CACHD1: variants seen among roughly 807,000 people sequenced by gnomAD.
CACHD1 encodes the protein cache domain containing 1, also known as VWFA and cache domain-containing protein 1.
In CACHD1, 71 loss-of-function variants were observed where a neutral mutation model predicts 138.7. The observed-to-expected ratio is 0.51, with a 90% CI of 0.42 to 0.62. The LOEUF is 0.62. Ranked by LOEUF, CACHD1 falls within the 20% of genes least tolerant of loss-of-function variation. CACHD1 has a pLI of 0.00. For synonymous variants in CACHD1, 578 were observed against 591.5 expected (o/e 0.98, Z 0.33); for missense variants, 1,389 against 1,625.3 (o/e 0.85, Z 2.50).
chr1:64,627,038 C>T (rs890742948), intron 4 of CACHD1, among the ~76,000 whole-genome samples: 8 of 151,856 alleles, frequency 5.3e-5, no homozygotes, highest in African/African-American at 1.7e-4. Context: ...GCCAAGCAGA[C>T]ATCAGAATAA....
chr1:64,637,245 G>A (rs1000019579), intron 7 of CACHD1, among the ~76,000 whole-genome samples: 1 of 152,204 alleles, frequency 6.6e-6, no homozygotes, highest in Admixed American at 6.5e-5. Flanking sequence ...AAACTCAGAT[G>A]TCCACAGTGG....
intron 15 of CACHD1, 23 bp from the exon 16 acceptor site, chr1:64,666,034 T>A (rs1264773025): frequency 7.6e-7 from 1 of 1,320,792 alleles, no homozygotes; most frequent in Admixed American, 2.1e-5. Flanking sequence ...TAAAATAACA[T>A]GACTTTCTTT....
At chr1:64,502,806 A>G (rs969787778) in intron 1 of CACHD1, among the ~76,000 whole-genome samples, 1 of 152,184 alleles carries the variant, frequency 6.6e-6, no homozygotes, top group South Asian at 2.1e-4. Flanking sequence ...ACCTGTAGTT[A>G]CATTTCCCAA....
At chr1:64,556,892 G>A (rs1051750623) in intron 2 of CACHD1, among the ~76,000 whole-genome samples, 5 of 152,180 alleles carry the variant, frequency 3.3e-5, no homozygotes, top group Non-Finnish European at 5.9e-5. Context: ...GGCAAGGCGG[G>A]TGGATCATGA....
chr1:64,597,383 C>T (rs1647162328), intron 3 of CACHD1, among the ~76,000 whole-genome samples: 1 of 152,090 alleles, frequency 6.6e-6, no homozygotes, highest in Non-Finnish European at 1.5e-5. Context: ...ATCAAGTGAA[C>T]ATCTTGCAAG....
chr1:64,560,044 A>G (rs1047228731), intron 2 of CACHD1, among the ~76,000 whole-genome samples: 1 of 152,196 alleles, frequency 6.6e-6, no homozygotes, highest in African/African-American at 2.4e-5. Flanking sequence ...AAGAAGAGCA[A>G]TAGAGCCAAG....
chr1:64,630,866 A>G (rs796865140), intron 5 of CACHD1, among the ~76,000 whole-genome samples: 1 of 152,232 alleles, frequency 6.6e-6, no homozygotes, highest in African/African-American at 2.4e-5. Flanking sequence ...GAAAGTTTTC[A>G]TGTATCTCCA....
intron 25 of CACHD1, 78 bp from the exon 26 acceptor site, chr1:64,681,927 C>A: frequency 1.7e-6 from 2 of 1,206,748 alleles, no homozygotes; most frequent in Non-Finnish European, 2.5e-6. Flanking sequence ...TGTAAATGAG[C>A]CCTCTCAGAG....
At chr1:64,502,210 C>A (rs965695345) in intron 1 of CACHD1, among the ~76,000 whole-genome samples, 10 of 152,206 alleles carry the variant, frequency 6.6e-5, no homozygotes, top group Admixed American at 6.5e-5. Flanking sequence ...CACAATGGAG[C>A]TGTGAACTTA....
intron 1 of CACHD1, among the ~76,000 whole-genome samples, chr1:64,480,970 A>G (rs972759842): frequency 6.6e-6 from 1 of 151,996 alleles, no homozygotes; most frequent in African/African-American, 2.4e-5. Flanking sequence ...AACAAACTAA[A>G]TGTCATTTAA....
At chr1:64,559,986 A>G (rs1646826779) in intron 2 of CACHD1, among the ~76,000 whole-genome samples, 1 of 152,196 alleles carries the variant, frequency 6.6e-6, no homozygotes. Context: ...ATTTGTTGGC[A>G]TAAAGGTGTT....
intron 1 of CACHD1, among the ~76,000 whole-genome samples, chr1:64,503,688 C>T (rs926960202): frequency 1.3e-5 from 2 of 152,190 alleles, no homozygotes; most frequent in Admixed American, 6.5e-5. Context: ...TGATCCCCCC[C>T]ATACATACAT....
At chr1:64,496,598 TCAC>T (rs1327791490) in intron 1 of CACHD1, among the ~76,000 whole-genome samples, 1 of 152,150 alleles carries the variant, frequency 6.6e-6, no homozygotes, top group African/African-American at 2.4e-5. Context: ...CTTACAAACT[TCAC>T]AGCCTTTGGG....
At chr1:64,671,068 A>G (rs1215486358) in intron 16 of CACHD1, among the ~76,000 whole-genome samples, 4 of 152,296 alleles carry the variant, frequency 2.6e-5, no homozygotes, top group East Asian at 1.9e-4. Context: ...ATGTTGTGGG[A>G]AAAAAACTGG....
chr1:64,570,045 C>T (rs1046079397), intron 2 of CACHD1, among the ~76,000 whole-genome samples: 2 of 152,136 alleles, frequency 1.3e-5, no homozygotes, highest in African/African-American at 4.8e-5. Flanking sequence ...AATGGCCGCA[C>T]CCACTGAAAA....
chr1:64,581,425 G>A (rs181571654), intron 2 of CACHD1, among the ~76,000 whole-genome samples: 213 of 152,324 alleles, frequency 1.4e-3, no homozygotes, highest in Admixed American at 3.4e-3. Context: ...GATCTTTGAT[G>A]AAGCTGTGGT....
chr1:64,608,038 G>A (rs989493738), intron 4 of CACHD1, among the ~76,000 whole-genome samples: 4 of 152,024 alleles, frequency 2.6e-5, no homozygotes, highest in South Asian at 2.1e-4. Flanking sequence ...TGTGGAGAGG[G>A]CAGAGGTAAG....
At chr1:64,522,915 G>A (rs929612209) in intron 1 of CACHD1, among the ~76,000 whole-genome samples, 1 of 152,182 alleles carries the variant, frequency 6.6e-6, no homozygotes, top group Non-Finnish European at 1.5e-5. Context: ...GCAAGAGAAA[G>A]AAAAGATCCT....
Position 64,630,300 on chromosome 1 carries a change from A to ATT in CACHD1, c.644+834_644+835dup, listed in dbSNP as rs559475497. Among the ~76,000 whole-genome samples, 106 of 140,512 alleles carry ATT rather than the reference A, an allele frequency of 7.5e-4. 1 individual carries two copies. Among genetic ancestry groups the ATT allele is most frequent in the Middle Eastern group, 3.6e-3 (1 of 276 alleles). 92.2% of individuals were successfully genotyped at this position (140,512 alleles called of 152,430 possible). A position where few individuals can be genotyped will look rare whatever the true frequency, so the allele number is the denominator to read the frequency against. ...ATACTTCATCTGTGCTTTTCCTAAGATTTTTTTTTTTTTTTTCCTGAGATG... is the reference window on the plus strand; with the variant it reads ...ATACTTCATCTGTGCTTTTCCTAAGATTTTTTTTTTTTTTTTTTCCTGAGATG... On this transcript the variant is annotated intron_variant, in intron 5 of 26. Coordinates refer to ENST00000651257, the MANE Select transcript of CACHD1 (RefSeq NM_020925.4).
Sources: allele counts gnomAD v4.1 joint callset (sites outside exome capture counted in the v4.1 genomes callset), GRCh38; gene constraint gnomAD v4.1.1; transcripts MANE v1.5; gene names NCBI Gene and HGNC (gene_info 2026-07-23, HGNC 2026-07-21).